Variants in ANKRD31 observed in about 807,000 individuals in gnomAD.
ANKRD31 encodes ankyrin repeat domain 31, also known as ankyrin repeat domain-containing protein 31.
Under a neutral mutation model 186.0 loss-of-function variants are expected in ANKRD31, and 147 were observed. The observed-to-expected ratio is 0.79, with a 90% CI of 0.69 to 0.91. ANKRD31 has a LOEUF of 0.91. ANKRD31 is among the 40% of genes least tolerant of loss of function. The probability of loss-of-function intolerance (pLI) is 0.00; values close to 1 mark genes in which losing one functional copy is unlikely to be tolerated. For missense variants in ANKRD31, 1,986 were observed against 2,148.8 expected, an observed-to-expected ratio of 0.92 and a Z score of 1.50; for synonymous variants, 673 against 736.4, an observed-to-expected ratio of 0.91 and a Z score of 1.39.
intron 1 of ANKRD31, among the ~76,000 whole-genome samples, chr5:75,233,673 T>C (rs1445404936): frequency 6.6e-6 from 1 of 152,066 alleles, no homozygotes; most frequent in Non-Finnish European, 1.5e-5. Flanking sequence ...CCCAGCACTT[T>C]GGGAGGCTGA....
At chr5:75,226,395 T>C (rs1757630573) in intron 2 of ANKRD31, among the ~76,000 whole-genome samples, 1 of 152,102 alleles carries the variant, frequency 6.6e-6, no homozygotes, top group African/African-American at 2.4e-5. Flanking sequence ...GTGGTGGCTA[T>C]AGGGGTACTC....
At chr5:75,230,087 G>A (rs1037756755) in intron 2 of ANKRD31, among the ~76,000 whole-genome samples, 4 of 151,868 alleles carry the variant, frequency 2.6e-5, no homozygotes, top group East Asian at 1.9e-4. Flanking sequence ...GTGTGCGCGC[G>A]TGTGTGCACG....
At position 75,206,406 on chromosome 5, in the gene ANKRD31, C is replaced by T. The variant is rs201966494; in HGVS notation, c.403+5G>A. 6 of 1,453,040 alleles carry T rather than the reference C, an allele frequency of 4.1e-6. No individual in the cohort carries two copies. The Admixed American group carries it at 1.4e-4, about 33-fold the overall frequency. The allele number at this position is 1,453,040 out of a possible 1,614,324, so 90.0% of individuals were successfully genotyped here. A position where few individuals can be genotyped will look rare whatever the true frequency, so the allele number is the denominator to read the frequency against. On this transcript the variant is annotated splice_donor_5th_base_variant and intron_variant, in intron 5 of 25. Coordinates refer to ENST00000506364, the MANE Select transcript of ANKRD31 (RefSeq NM_001372053.1). ...CCTTTATATGACTCTACCATGAAAA[C>T]ATACCTTCAATATTTTGGTGGTTCA... is the stretch of plus-strand genomic sequence containing the variant.
chr5:75,116,265 G>T (rs1451129491), intron 19 of ANKRD31, among the ~76,000 whole-genome samples: 3 of 114,380 alleles, frequency 2.6e-5, no homozygotes, highest in Non-Finnish European at 5.2e-5. Context: ...GTTGTGGGGT[G>T]GGGGGAGGGG....
intron 10 of ANKRD31, among the ~76,000 whole-genome samples, chr5:75,182,025 G>C (rs10474431): frequency 6.6e-6 from 1 of 152,034 alleles, no homozygotes; most frequent in Non-Finnish European, 1.5e-5. Flanking sequence ...GATGGACAGA[G>C]AGATTTCAAG....
intron 17 of ANKRD31, among the ~76,000 whole-genome samples, chr5:75,134,725 T>G (rs1750409554): frequency 6.6e-6 from 1 of 152,194 alleles, no homozygotes; most frequent in South Asian, 2.1e-4. Context: ...AAAAAGAGAA[T>G]TTTGGACCAA....
intron 12 of ANKRD31, among the ~76,000 whole-genome samples, chr5:75,150,485 A>G (rs950046801): frequency 6.6e-6 from 1 of 152,030 alleles, no homozygotes. Context: ...TAGGCTGATA[A>G]TTAATCATGG....
chr5:75,172,403 T>C (rs1753402397), intron 10 of ANKRD31, among the ~76,000 whole-genome samples: 2 of 150,010 alleles, frequency 1.3e-5, no homozygotes, highest in Admixed American at 1.3e-4. Flanking sequence ...AATAGGCTCC[T>C]TGATAGAGAC....
Position 75,107,506 on chromosome 5 carries a change from TC to T in ANKRD31, c.4340+14del. 2.7e-6 allele frequency: 4 copies of T among 1,468,284 alleles called. No homozygotes were observed. Among genetic ancestry groups the T allele is most frequent in the Non-Finnish European group, 3.6e-6 (4 of 1,101,748 alleles). The allele number at this position is 1,468,284 out of a possible 1,614,324, so 91.0% of individuals were successfully genotyped here. On this transcript the variant is annotated intron_variant, in intron 21 of 25. Coordinates refer to ENST00000506364, the MANE Select transcript of ANKRD31 (RefSeq NM_001372053.1). ...GAAACTCAAAAGCACTCTTTTTTTT[TC>T]TTTTTCTACTCACCTGTATTTTTTA...
chr5:75,156,416 A>T (rs536244245), intron 11 of ANKRD31, among the ~76,000 whole-genome samples: 95 of 152,302 alleles, frequency 6.2e-4, no homozygotes, highest in African/African-American at 2.2e-3. Flanking sequence ...AAAAAAAGTT[A>T]AAAATTACAG....
chr5:75,189,646 C>A (rs1307809431), intron 9 of ANKRD31, among the ~76,000 whole-genome samples: 2 of 152,140 alleles, frequency 1.3e-5, no homozygotes, highest in Non-Finnish European at 2.9e-5. Flanking sequence ...TCCAAATCTG[C>A]CTGTGCCAGT....
At chr5:75,112,649 T>A (rs998785597) in intron 19 of ANKRD31, 49 bp from the exon 20 acceptor site, 2 of 1,167,978 alleles carry the variant, frequency 1.7e-6, no homozygotes, top group Admixed American at 2.5e-5. Flanking sequence ...GTAGATATGC[T>A]CTCTGATATG....
Position 75,104,497 on chromosome 5 carries a change from C to T in ANKRD31, c.5062G>A (p.Ala1688Thr), listed in dbSNP as rs1429757815. The T allele has an allele frequency of 3.9e-6, 6 of 1,537,188 alleles. No homozygotes were observed. The highest frequency in any genetic ancestry group is 2.4e-5 in the East Asian group (1 of 40,902). Residue 1688 changes from alanine (A) to threonine (T), a missense_variant, in exon 22 of 26, where the codon GCA (alanine) becomes ACA (threonine). By Grantham distance (58) the Ala-to-Thr change is moderately conservative (BLOSUM62 0). Coordinates refer to ENST00000506364, the MANE Select transcript of ANKRD31 (RefSeq NM_001372053.1). ...CCTTGATGTGCCAGAGATTCTGATG[C>T]CCCTGTAGGTGATTGCTGGGAACTT... ...KTSSQQSPTGASESLAHQGIA... is the reference protein window; with the variant it reads ...KTSSQQSPTGTSESLAHQGIA...
chr5:75,146,835 G>C lies in ANKRD31; in HGVS notation c.2576C>G (p.Thr859Ser). The change falls in exon 14 of 26, where the codon ACT (threonine) becomes AGT (serine). Residue 859 changes from threonine to serine, a missense_variant. Physicochemically the swap from Thr to Ser is moderately conservative, Grantham distance 58. Coordinates refer to ENST00000506364, the MANE Select transcript of ANKRD31 (RefSeq NM_001372053.1). ...PVVTTDKQPH[T>S]LQEQHHVLYK... ...AAGTACATGGTGTTGTTCCTGGAGAGTGTGAGGCTGCTTATCTGTAGTAAC... is the reference window on the plus strand; with the variant it reads ...AAGTACATGGTGTTGTTCCTGGAGACTGTGAGGCTGCTTATCTGTAGTAAC... 1 of 1,536,338 alleles carries C rather than the reference G, an allele frequency of 6.5e-7. No homozygotes were observed. The highest frequency in any genetic ancestry group is 8.7e-7 in the Non-Finnish European group (1 of 1,146,312).
At chr5:75,155,382 G>A (rs1175787467) in intron 11 of ANKRD31, among the ~76,000 whole-genome samples, 1 of 151,998 alleles carries the variant, frequency 6.6e-6, no homozygotes, top group Non-Finnish European at 1.5e-5. Context: ...CAAGTCCTTG[G>A]AAACTGTTCC....
intron 23 of ANKRD31, among the ~76,000 whole-genome samples, chr5:75,087,056 A>G (rs1745547579): frequency 6.6e-6 from 1 of 152,356 alleles, no homozygotes; most frequent in Non-Finnish European, 1.5e-5. Context: ...GCCATAATAA[A>G]TATTTCTGTA....
chr5:75,166,559 A>G (rs1752939088), intron 11 of ANKRD31, among the ~76,000 whole-genome samples: 2 of 152,182 alleles, frequency 1.3e-5, no homozygotes, highest in South Asian at 4.1e-4. Context: ...TATTCTTTCA[A>G]TATATGTGAA....
intron 10 of ANKRD31, among the ~76,000 whole-genome samples, chr5:75,172,366 A>T (rs1350877278): frequency 1.2e-4 from 5 of 42,828 alleles, no homozygotes; most frequent in Non-Finnish European, 2.0e-4. Context: ...AACTCTATTT[A>T]AAAAAAAAAA....
At chr5:75,087,547 G>T (rs2150025373) in intron 23 of ANKRD31, among the ~76,000 whole-genome samples, 1 of 152,100 alleles carries the variant, frequency 6.6e-6, no homozygotes, top group East Asian at 1.9e-4. Flanking sequence ...TCTGTTCATG[G>T]ATGATCAAAT....
Sources: allele counts gnomAD v4.1 joint callset (sites outside exome capture counted in the v4.1 genomes callset), GRCh38; gene constraint gnomAD v4.1.1; transcripts MANE v1.5; gene names NCBI Gene and HGNC (gene_info 2026-07-23, HGNC 2026-07-21).